Variants in AUTS2 observed in about 807,000 individuals in gnomAD.
The protein encoded by AUTS2 is autism susceptibility gene 2 protein.
AUTS2 carries 17 observed loss-of-function variants against 112.4 expected under a neutral mutation model. The ratio of observed to expected loss-of-function variants is 0.15; its 90% confidence interval spans 0.10 to 0.23. The LOEUF (loss-of-function observed/expected upper bound fraction) is 0.23. Ranked by LOEUF, AUTS2 falls within the 10% of genes least tolerant of loss-of-function variation. The pLI, the probability that AUTS2 is intolerant of heterozygous loss-of-function variation, is 1.00. For missense variants in AUTS2, 1,510 were observed against 1,701.6 expected (o/e 0.89, Z 1.98); for synonymous variants, 751 against 702.7 (o/e 1.07, Z -1.09).
rs1189042384 is a variant in AUTS2, at chr7:69,599,676, A to G, written c.23A>G (p.His8Arg). ...ACCATGGATGGCCCGACGCGGGGCC[A>G]TGGACTCCGCAAAAAGCGGCGGTCG... MDGPTRG[H>R]GLRKKRRSRS... Residue 8 changes from histidine to arginine, a missense_variant, in exon 1 of 19, where the codon CAT (histidine) becomes CGT (arginine). Transcript: ENST00000342771. The surrounding 1 kb of genome is among the most constrained non-coding windows in gnomAD (Gnocchi z 7.0). 2.6e-5 allele frequency: 34 copies of G among 1,325,212 alleles called. No individual in the cohort carries two copies. Among genetic ancestry groups the G allele is most frequent in the Non-Finnish European group, 3.0e-5 (31 of 1,042,216 alleles). The allele number at this position is 1,325,212 out of a possible 1,614,324, so 82.1% of individuals were successfully genotyped here.
intron 3 of AUTS2, among the ~76,000 whole-genome samples, chr7:70,123,155 C>T (rs921488557): frequency 1.3e-5 from 2 of 152,086 alleles, no homozygotes; most frequent in African/African-American, 2.4e-5. Flanking sequence ...GGATTACAGG[C>T]GTGAGCCACC....
At chr7:70,183,595 G>C (rs540775791) in intron 4 of AUTS2, among the ~76,000 whole-genome samples, 21 of 152,314 alleles carry the variant, frequency 1.4e-4, no homozygotes, top group African/African-American at 5.1e-4. Flanking sequence ...CAGCCCTGCT[G>C]TGTGCAGACG....
chr7:70,516,255 AGATAGAAGCT>A (rs1308385317), intron 5 of AUTS2, among the ~76,000 whole-genome samples: 3 of 152,136 alleles, frequency 2.0e-5, no homozygotes, highest in Non-Finnish European at 4.4e-5. Context: ...GAGTCTCTGC[AGATAGAAGCT>A]GCCCCCCTCC....
chr7:69,846,144 A>AT (rs1792189857), intron 1 of AUTS2, among the ~76,000 whole-genome samples: 1 of 150,416 alleles, frequency 6.6e-6, no homozygotes, highest in Non-Finnish European at 1.5e-5. Flanking sequence ...TTCTACATGC[A>AT]TTTTGCTTCT....
At chr7:70,765,597 G>C (rs1789886729) in intron 8 of AUTS2, among the ~76,000 whole-genome samples, 2 of 152,152 alleles carry the variant, frequency 1.3e-5, no homozygotes, top group Admixed American at 1.3e-4. Context: ...CCAATACAGA[G>C]AGCCATATAG....
intron 4 of AUTS2, among the ~76,000 whole-genome samples, chr7:70,349,056 C>T (rs1791633260): frequency 6.6e-6 from 1 of 152,194 alleles, no homozygotes; most frequent in Non-Finnish European, 1.5e-5. Flanking sequence ...CATCTAATTG[C>T]TCCAAACCCC....
rs374914813 is a variant in AUTS2 at position 70,500,790 on chromosome 7, C to T, written c.690+65009C>T. 5.7e-4 allele frequency among the ~76,000 whole-genome samples: 86 copies of T among 151,814 alleles called. No individual in the cohort carries two copies. The South Asian group carries it at 0.014, about 24-fold the overall frequency. The stretch of plus-strand genomic sequence containing the variant: ...AGGCTGGAGTGCAGCAGCATGATCT[C>T]GGCTCACTGCAACTTCAGCCTCCCA... On this transcript the variant is annotated intron_variant, in intron 5 of 18. Coordinates refer to ENST00000342771, the MANE Select transcript of AUTS2 (RefSeq NM_015570.4).
intron 4 of AUTS2, among the ~76,000 whole-genome samples, chr7:70,267,099 C>G (rs1302222365): frequency 6.6e-6 from 1 of 152,174 alleles, no homozygotes; most frequent in Non-Finnish European, 1.5e-5. Context: ...ACATTGTCCT[C>G]AAAATCTTCT....
chr7:70,004,421 TTA>T (rs201088559), intron 2 of AUTS2, among the ~76,000 whole-genome samples: 3 of 25,286 alleles, frequency 1.2e-4, no homozygotes, highest in Admixed American at 1.2e-3. Context: ...ATATAATATA[TTA>T]TATATATATA....
intron 4 of AUTS2, among the ~76,000 whole-genome samples, chr7:70,408,547 C>T (rs906083239): frequency 6.6e-6 from 1 of 152,142 alleles, no homozygotes; most frequent in African/African-American, 2.4e-5. Flanking sequence ...CTGTTGTCAC[C>T]CATCTAGTGC....
intron 1 of AUTS2, among the ~76,000 whole-genome samples, chr7:69,672,063 C>CTT (rs1366739076): frequency 7.0e-6 from 1 of 143,182 alleles, no homozygotes; most frequent in African/African-American, 2.5e-5. Flanking sequence ...TTTTCTTTTT[C>CTT]TTTTTTTTTT....
chr7:69,896,561 T>C (rs1350093654), intron 1 of AUTS2, among the ~76,000 whole-genome samples: 1 of 152,076 alleles, frequency 6.6e-6, no homozygotes, highest in African/African-American at 2.4e-5. Flanking sequence ...CCTGCTTCTA[T>C]CACCCTTTCT....
chr7:70,137,026 T>C (rs533882293), intron 4 of AUTS2, among the ~76,000 whole-genome samples: 1 of 152,346 alleles, frequency 6.6e-6, no homozygotes, highest in East Asian at 1.9e-4. Context: ...TTCAGTTCTT[T>C]TATCTGTAGT....
intron 6 of AUTS2, among the ~76,000 whole-genome samples, chr7:70,716,762 G>A (rs1810397701): frequency 6.6e-6 from 1 of 151,738 alleles, no homozygotes. Flanking sequence ...TCCAGCCTGG[G>A]AAAACTTGAG....
chr7:70,620,121 C>T (rs1383292136), intron 5 of AUTS2, among the ~76,000 whole-genome samples: 5 of 152,126 alleles, frequency 3.3e-5, no homozygotes, highest in East Asian at 1.9e-4. Flanking sequence ...AGTCAGGACC[C>T]GCTTTCTTTT....
intron 2 of AUTS2, among the ~76,000 whole-genome samples, chr7:70,021,488 A>G (rs1800271663): frequency 6.6e-6 from 1 of 152,212 alleles, no homozygotes; most frequent in African/African-American, 2.4e-5. Context: ...CTGCTATTCC[A>G]GATGGGGCAT....
At chr7:69,955,606 C>T (rs1349383531) in intron 2 of AUTS2, among the ~76,000 whole-genome samples, 6 of 152,236 alleles carry the variant, frequency 3.9e-5, no homozygotes, top group East Asian at 1.9e-4. Flanking sequence ...AAACTGCAGC[C>T]GCTTTGCAAA....
chr7:70,549,269 CTTTATCAGA>C, intron 5 of AUTS2, among the ~76,000 whole-genome samples: 1 of 152,126 alleles, frequency 6.6e-6, no homozygotes, highest in Admixed American at 6.5e-5. Flanking sequence ...TTGTAAATTC[CTTTATCAGA>C]TTTTTCCGTG....
At chr7:69,824,110 T>C (rs542825756) in intron 1 of AUTS2, among the ~76,000 whole-genome samples, 9 of 152,220 alleles carry the variant, frequency 5.9e-5, no homozygotes, top group African/African-American at 2.2e-4. Context: ...ACTCAAATTA[T>C]AGCTATTAAT....
Sources: gnomAD v4.1 joint callset for allele counts (sites outside exome capture counted in the v4.1 genomes callset) on GRCh38, gnomAD v4.1.1 for gene constraint, Gnocchi (gnomAD v3.1) non-coding constraint, MANE v1.5 for transcripts, NCBI Gene and HGNC (gene_info 2026-07-23, HGNC 2026-07-21) for gene names.